GRM7: variants seen among roughly 807,000 people sequenced by gnomAD.
GRM7 encodes metabotropic glutamate receptor 7.
GRM7 carries 35 observed loss-of-function variants against 84.5 expected under a neutral mutation model. That is an observed-to-expected ratio of 0.41 (90% CI 0.32 to 0.55). The LOEUF (loss-of-function observed/expected upper bound fraction) is 0.55, where lower values mean the gene tolerates loss of function less well. Ranked by LOEUF, GRM7 falls within the 20% of genes least tolerant of loss-of-function variation. The probability of loss-of-function intolerance (pLI) is 0.19; values close to 1 mark genes in which losing one functional copy is unlikely to be tolerated. For synonymous variants in GRM7, 487 were observed against 455.1 expected (o/e 1.07, Z -0.89); for missense variants, 1,003 against 1,194.6 (o/e 0.84, Z 2.36).
intron 1 of GRM7, among the ~76,000 whole-genome samples, chr3:6,904,722 T>TG (rs1696507186): frequency 6.6e-6 from 1 of 150,932 alleles, no homozygotes; most frequent in Non-Finnish European, 1.5e-5. Context: ...TCCTTATGTG[T>TG]GTTTTTTTTT....
At chr3:7,159,433 G>A (rs1416814377) in intron 2 of GRM7, among the ~76,000 whole-genome samples, 2 of 152,150 alleles carry the variant, frequency 1.3e-5, no homozygotes, top group African/African-American at 2.4e-5. Flanking sequence ...CCCCCAGAGT[G>A]AAAGAGATGA....
At chr3:7,406,100 A>G (rs1302013817) in intron 4 of GRM7, among the ~76,000 whole-genome samples, 1 of 152,126 alleles carries the variant, frequency 6.6e-6, no homozygotes, top group Non-Finnish European at 1.5e-5. Context: ...GCTGCATACT[A>G]CTTCAACACA....
At chr3:7,660,010 T>G (rs1022447703) in intron 8 of GRM7, among the ~76,000 whole-genome samples, 4 of 152,228 alleles carry the variant, frequency 2.6e-5, no homozygotes, top group African/African-American at 9.6e-5. Context: ...AAACTGAAGT[T>G]CTGTTTACCA....
chr3:6,978,008 T>A (rs1323083797), intron 1 of GRM7, among the ~76,000 whole-genome samples: 1 of 152,162 alleles, frequency 6.6e-6, no homozygotes, highest in Non-Finnish European at 1.5e-5. Flanking sequence ...TCAAAATCTA[T>A]GTTCATGTCC....
rs183139655 is a variant in GRM7, at chr3:7,051,344, A to C, written c.520-95108A>C. On this transcript the variant is annotated intron_variant, in intron 1 of 9. Coordinates refer to ENST00000357716, the MANE Select transcript of GRM7 (RefSeq NM_000844.4). Reference sequence around the variant, plus strand: ...AGGTGGAGGATGTCTAATGACTAGAAGAATAAAAATTCCTGCTCAACTGGG... The same window carrying C: ...AGGTGGAGGATGTCTAATGACTAGACGAATAAAAATTCCTGCTCAACTGGG... 3.0e-4 allele frequency among the ~76,000 whole-genome samples: 46 copies of C among 151,916 alleles called. 1 individual carries two copies. The East Asian group carries it at 7.9e-3, about 26-fold the overall frequency.
chr3:7,009,777 C>T (rs906423020), intron 1 of GRM7, among the ~76,000 whole-genome samples: 1 of 152,128 alleles, frequency 6.6e-6, no homozygotes, highest in African/African-American at 2.4e-5. Flanking sequence ...CAGAAAGAGA[C>T]CTTAACTAGG....
chr3:6,940,315 C>T (rs961776150), intron 1 of GRM7, among the ~76,000 whole-genome samples: 1 of 152,150 alleles, frequency 6.6e-6, no homozygotes, highest in Non-Finnish European at 1.5e-5. Flanking sequence ...TGGTCTCGAT[C>T]TCTTGACCTC....
intron 1 of GRM7, among the ~76,000 whole-genome samples, chr3:7,072,240 A>G (rs77146605): frequency 0.04 from 6,057 of 152,214 alleles, 232 homozygotes; most frequent in East Asian, 0.092. Context: ...CCAAACTCTT[A>G]CAGTGGAGCT....
At chr3:7,566,418 T>C (rs1694271843) in intron 7 of GRM7, among the ~76,000 whole-genome samples, 1 of 152,338 alleles carries the variant, frequency 6.6e-6, no homozygotes, top group African/African-American at 2.4e-5. Context: ...GAGATTCATA[T>C]GAATTATGTT....
chr3:7,452,376 G>T (rs1181349161), intron 5 of GRM7, among the ~76,000 whole-genome samples: 1 of 152,180 alleles, frequency 6.6e-6, no homozygotes, highest in African/African-American at 2.4e-5. Context: ...TATGTAAGGT[G>T]TCACAAAGTA....
chr3:6,955,441 G>T (rs965337337), intron 1 of GRM7, among the ~76,000 whole-genome samples: 2 of 152,018 alleles, frequency 1.3e-5, no homozygotes, highest in African/African-American at 2.4e-5. Flanking sequence ...GGAGACTGAG[G>T]CAGGAGAATC....
intron 1 of GRM7, among the ~76,000 whole-genome samples, chr3:7,136,075 C>A (rs1021670808): frequency 6.6e-6 from 1 of 152,138 alleles, no homozygotes; most frequent in East Asian, 1.9e-4. Context: ...TTGACTCAAT[C>A]TTGTCAACAT....
At chr3:7,084,849 T>C (rs1023055657) in intron 1 of GRM7, among the ~76,000 whole-genome samples, 1 of 152,130 alleles carries the variant, frequency 6.6e-6, no homozygotes, top group East Asian at 1.9e-4. Flanking sequence ...TTTAAAAAAT[T>C]AGCTCAAGAA....
At chr3:7,227,520 A>G (rs1189601043) in intron 2 of GRM7, among the ~76,000 whole-genome samples, 3 of 152,200 alleles carry the variant, frequency 2.0e-5, no homozygotes, top group Admixed American at 6.5e-5. Flanking sequence ...TCTTTGCACA[A>G]ATACTTGACC....
At chr3:7,057,448 C>T (rs2124964289) in intron 1 of GRM7, among the ~76,000 whole-genome samples, 1 of 151,808 alleles carries the variant, frequency 6.6e-6, no homozygotes, top group South Asian at 2.1e-4. Flanking sequence ...TGTTATTTTA[C>T]TTTTTTATAC....
At chr3:7,431,035 G>A (rs897019465) in intron 5 of GRM7, among the ~76,000 whole-genome samples, 4 of 151,954 alleles carry the variant, frequency 2.6e-5, no homozygotes, top group African/African-American at 7.2e-5. Context: ...GGCCCAGTGC[G>A]AACATAATGA....
At chr3:6,921,490 G>T (rs1697122150) in intron 1 of GRM7, among the ~76,000 whole-genome samples, 2 of 152,104 alleles carry the variant, frequency 1.3e-5, no homozygotes, top group Admixed American at 6.6e-5. Context: ...GAATTTCAAA[G>T]AGCTTACATC....
chr3:7,417,103 T>G (rs1696194900), intron 5 of GRM7, among the ~76,000 whole-genome samples: 1 of 152,174 alleles, frequency 6.6e-6, no homozygotes, highest in Admixed American at 6.6e-5. Context: ...TACAAACTAG[T>G]AAGGTCATTA....
At chr3:7,426,111 T>G (rs904713750) in intron 5 of GRM7, among the ~76,000 whole-genome samples, 12 of 151,702 alleles carry the variant, frequency 7.9e-5, no homozygotes, top group Admixed American at 6.6e-4. Context: ...TCTTTCTTTC[T>G]TTCTTTTTCT....
Sources: allele counts gnomAD v4.1 joint callset (sites outside exome capture counted in the v4.1 genomes callset), GRCh38; gene constraint gnomAD v4.1.1; transcripts MANE v1.5; gene names NCBI Gene and HGNC (gene_info 2026-07-23, HGNC 2026-07-21).